The following GRID2 variants were observed in gnomAD, a reference collection of about 807,000 sequenced individuals.
GRID2 encodes glutamate receptor ionotropic, delta-2.
In GRID2, 33 loss-of-function variants were observed where a neutral mutation model predicts 114.8. The observed-to-expected ratio is 0.29, with a 90% CI of 0.22 to 0.38. The LOEUF (loss-of-function observed/expected upper bound fraction) is 0.38, where lower values mean the gene tolerates loss of function less well. Among genes scored for constraint, GRID2 ranks in the 10% least tolerant of loss-of-function variants. The pLI is 1.00. For synonymous variants in GRID2, 505 were observed against 449.9 expected, an observed-to-expected ratio of 1.12 and a Z score of -1.55; for missense variants, 1,184 against 1,257.7, an observed-to-expected ratio of 0.94 and a Z score of 0.89.
intron 11 of GRID2, among the ~76,000 whole-genome samples, chr4:93,487,109 C>T (rs1208300617): frequency 6.6e-6 from 1 of 151,720 alleles, no homozygotes; most frequent in Admixed American, 6.6e-5. Flanking sequence ...TAAATTTGTA[C>T]ATAAGTTATC....
intron 2 of GRID2, among the ~76,000 whole-genome samples, chr4:92,933,145 T>C (rs1037161583): frequency 1.3e-5 from 2 of 150,500 alleles, no homozygotes; most frequent in Non-Finnish European, 3.0e-5. Context: ...TACAATTTTA[T>C]ACATTATATA....
At chr4:93,523,176 G>A (rs1401485278) in intron 13 of GRID2, among the ~76,000 whole-genome samples, 1 of 152,102 alleles carries the variant, frequency 6.6e-6, no homozygotes, top group Non-Finnish European at 1.5e-5. Context: ...TGTTGTAGCA[G>A]AGAAAAATAA....
At position 92,304,598 on chromosome 4, in the gene GRID2, T is replaced by A; in HGVS notation, c.-59T>A. ...CCGTGACCTCAAACTCTTTGGACTG[T>A]TTGAAAAAAAAAAAATTGGAAGAAA... On this transcript the variant is annotated 5_prime_UTR_variant, in exon 1 of 16. Transcript: ENST00000282020. 8.1e-7 allele frequency: 1 copy of A among 1,230,272 alleles called. No individual in the cohort carries two copies. The highest frequency in any genetic ancestry group is 1.2e-6 in the Non-Finnish European group (1 of 830,816). 76.2% of individuals were successfully genotyped at this position (1,230,272 alleles called of 1,614,324 possible).
intron 8 of GRID2, among the ~76,000 whole-genome samples, chr4:93,282,779 G>A (rs529489454): frequency 1.3e-4 from 20 of 152,146 alleles, no homozygotes; most frequent in Non-Finnish European, 2.8e-4. Flanking sequence ...TTGGCTCATG[G>A]TTCTCCAGGT....
intron 2 of GRID2, among the ~76,000 whole-genome samples, chr4:92,737,787 G>A (rs895568471): frequency 6.6e-6 from 1 of 152,060 alleles, no homozygotes; most frequent in Admixed American, 6.6e-5. Flanking sequence ...TCAGAGAAAT[G>A]AGTATTTTTC....
chr4:92,442,396 G>A (rs572546639), intron 1 of GRID2, among the ~76,000 whole-genome samples: 102 of 152,158 alleles, frequency 6.7e-4, no homozygotes, highest in African/African-American at 2.4e-3. Context: ...GCATTCCTTG[G>A]CCCGGTGGCC....
chr4:93,513,355 T>G (rs931753118), intron 12 of GRID2, among the ~76,000 whole-genome samples: 1 of 152,216 alleles, frequency 6.6e-6, no homozygotes, highest in African/African-American at 2.4e-5. Flanking sequence ...TAATACAGTT[T>G]TACTGATACT....
intron 3 of GRID2, among the ~76,000 whole-genome samples, chr4:93,108,321 G>A (rs551633869): frequency 2.0e-5 from 3 of 152,254 alleles, no homozygotes; most frequent in East Asian, 1.9e-4. Flanking sequence ...ATTCATTGAT[G>A]TGCTCCTAGC....
At chr4:93,370,556 CTTGAAAATAA>C (rs776486930) in intron 8 of GRID2, among the ~76,000 whole-genome samples, 405 of 152,008 alleles carry the variant, frequency 2.7e-3, no homozygotes, top group Non-Finnish European at 4.6e-3. Context: ...TTCACTGTTT[CTTGAAAATAA>C]TCATAAACTG....
At chr4:93,751,774 T>C (rs1732335981) in intron 14 of GRID2, among the ~76,000 whole-genome samples, 1 of 152,188 alleles carries the variant, frequency 6.6e-6, no homozygotes, top group African/African-American at 2.4e-5. Flanking sequence ...AGGGTGATAC[T>C]GAAATTGAGG....
chr4:93,067,433 T>C (rs1728398852), intron 2 of GRID2, among the ~76,000 whole-genome samples: 1 of 152,032 alleles, frequency 6.6e-6, no homozygotes, highest in Non-Finnish European at 1.5e-5. Context: ...TGTTCTGTTA[T>C]GGTGGAAGGA....
At chr4:93,729,896 T>C (rs1730324586) in intron 14 of GRID2, among the ~76,000 whole-genome samples, 2 of 152,154 alleles carry the variant, frequency 1.3e-5, no homozygotes, top group African/African-American at 4.8e-5. Flanking sequence ...TCAGCATCTA[T>C]CTCTGAAATT....
intron 8 of GRID2, among the ~76,000 whole-genome samples, chr4:93,281,449 G>C (rs535053181): frequency 6.6e-6 from 1 of 151,890 alleles, no homozygotes; most frequent in Non-Finnish European, 1.5e-5. Flanking sequence ...TTAAAATGTC[G>C]ACTTTAAGCG....
chr4:92,436,020 T>C (rs1732719697), intron 1 of GRID2, among the ~76,000 whole-genome samples: 2 of 152,144 alleles, frequency 1.3e-5, no homozygotes, highest in South Asian at 4.1e-4. Flanking sequence ...ATAGCAGGCA[T>C]ATGAGACTTC....
In GRID2 at chr4:92,870,553, T is replaced by C. The variant is rs184690303; in HGVS notation, c.245-214442T>C. On this transcript the variant is annotated intron_variant, in intron 2 of 15. Transcript: ENST00000282020. ...TAATGTGAATAGGTGAGATATATGT[T>C]TCAGATATATATTTATTTTAGTTTA... Among the ~76,000 whole-genome samples, 688 of 152,166 alleles carry C rather than the reference T, an allele frequency of 4.5e-3. 9 individuals are homozygous for C. Among genetic ancestry groups the C allele is most frequent in the African/African-American group, 0.016 (652 of 41,538 alleles).
chr4:93,259,948 A>G (rs993022123), intron 8 of GRID2, among the ~76,000 whole-genome samples: 1 of 151,780 alleles, frequency 6.6e-6, no homozygotes, highest in African/African-American at 2.4e-5. Flanking sequence ...TTTTTTAAAC[A>G]TAGCTTATTG....
rs34215461 is a variant in GRID2, at chr4:93,131,145, A to ATTTTTTTTTTTTT, written c.735+20204_735+20216dup. On this transcript the variant is annotated intron_variant, in intron 4 of 15. Transcript: ENST00000282020. ...AGAACTTCCATGAAAAGATTAAATA[A>ATTTTTTTTTTTTT]TTTTTTTTTTTTTTTTTTTTTTTTG... Among the ~76,000 whole-genome samples, 542 of 88,702 alleles carry ATTTTTTTTTTTTT rather than the reference A, an allele frequency of 6.1e-3. 71 individuals carry two copies. Among genetic ancestry groups the ATTTTTTTTTTTTT allele is most frequent in the African/African-American group, 0.026 (496 of 19,026 alleles). The allele number at this position is 88,702 out of a possible 152,430, so 58.2% of individuals were successfully genotyped here. A position where few individuals can be genotyped will look rare whatever the true frequency, so the allele number is the denominator to read the frequency against.
At chr4:92,459,798 T>C (rs552191012) in intron 1 of GRID2, among the ~76,000 whole-genome samples, 159 of 151,730 alleles carry the variant, frequency 1.0e-3, no homozygotes, top group Non-Finnish European at 2.0e-3. Context: ...CATTTATAAG[T>C]AGACTTACAG....
intron 2 of GRID2, among the ~76,000 whole-genome samples, chr4:92,985,796 G>A (rs1477382141): frequency 1.3e-5 from 2 of 152,098 alleles, no homozygotes; most frequent in Admixed American, 1.3e-4. Flanking sequence ...TTGTCACTCA[G>A]CCACAAGTTA....
Sources: gnomAD v4.1 joint callset for allele counts (sites outside exome capture counted in the v4.1 genomes callset) on GRCh38, gnomAD v4.1.1 for gene constraint, MANE v1.5 for transcripts, NCBI Gene and HGNC (gene_info 2026-07-23, HGNC 2026-07-21) for gene names.